Variants in PTPRM observed in about 807,000 individuals in gnomAD.
PTPRM encodes the protein protein tyrosine phosphatase receptor type M.
In PTPRM, 47 loss-of-function variants were observed where a neutral mutation model predicts 186.7. The observed-to-expected ratio is 0.25, with a 90% CI of 0.20 to 0.32. The LOEUF (loss-of-function observed/expected upper bound fraction) is 0.32, where lower values mean the gene tolerates loss of function less well. Ranked by LOEUF, PTPRM falls within the 10% of genes least tolerant of loss-of-function variation. PTPRM has a pLI of 1.00. For missense variants in PTPRM, 1,494 were observed against 1,865.0 expected, an observed-to-expected ratio of 0.80 and a Z score of 3.66; for synonymous variants, 668 against 674.9, an observed-to-expected ratio of 0.99 and a Z score of 0.16.
chr18:7,615,695 A>G (rs989720625), intron 1 of PTPRM, among the ~76,000 whole-genome samples: 4 of 152,132 alleles, frequency 2.6e-5, no homozygotes, highest in African/African-American at 9.7e-5. Context: ...ATTTTTCCAC[A>G]GATGGGGTGG....
At chr18:7,717,901 T>C (rs2040371635) in intron 1 of PTPRM, among the ~76,000 whole-genome samples, 1 of 152,150 alleles carries the variant, frequency 6.6e-6, no homozygotes, top group Non-Finnish European at 1.5e-5. Context: ...CCAGTGCTTG[T>C]TGACTCCAGT....
rs1467311755 is a variant in PTPRM, at chr18:7,973,057, CATATA to C, written c.1132+17649_1132+17653del. 5.3e-5 allele frequency among the ~76,000 whole-genome samples: 8 copies of C among 152,160 alleles called. No individual in the cohort carries two copies. The East Asian group carries it at 1.4e-3, about 26-fold the overall frequency. ...ATGTTATATAAACATATATAACCCACATATAATATATATAACCCACTCTTATTAGC... is the reference window on the plus strand; with the variant it reads ...ATGTTATATAAACATATATAACCCACATATATATAACCCACTCTTATTAGC... On this transcript the variant is annotated intron_variant, in intron 7 of 32. Transcript: ENST00000580170.
At chr18:7,581,996 C>T (rs76647361) in intron 1 of PTPRM, among the ~76,000 whole-genome samples, 2,346 of 152,160 alleles carry the variant, frequency 0.015, 56 homozygotes, top group African/African-American at 0.054. Flanking sequence ...AATCTTTTGG[C>T]TAAGCAAATT....
At chr18:7,586,192 A>T (rs2036974300) in intron 1 of PTPRM, among the ~76,000 whole-genome samples, 1 of 152,146 alleles carries the variant, frequency 6.6e-6, no homozygotes, top group South Asian at 2.1e-4. Flanking sequence ...TCTACATCAG[A>T]CAGGCTTACA....
chr18:7,960,480 T>TATATATATATATATATACACACACAC (rs1300573371), intron 7 of PTPRM, among the ~76,000 whole-genome samples: 1 of 86,602 alleles, frequency 1.2e-5, no homozygotes, highest in African/African-American at 4.4e-5. Context: ...TATATATATA[T>TATATATATATATATATACACACACAC]ACACACACAC....
chr18:7,945,252 G>A (rs887821097), intron 5 of PTPRM, among the ~76,000 whole-genome samples: 1 of 148,924 alleles, frequency 6.7e-6, no homozygotes, highest in African/African-American at 2.5e-5. Context: ...AGGAGATTGA[G>A]ACCATCCTGG....
At chr18:7,652,656 A>G (rs1344933712) in intron 1 of PTPRM, among the ~76,000 whole-genome samples, 1 of 150,966 alleles carries the variant, frequency 6.6e-6, no homozygotes. Context: ...CGCAAGAACA[A>G]AAAACCAAAC....
At chr18:8,386,141 T>A (rs1279753257) in intron 30 of PTPRM, among the ~76,000 whole-genome samples, 1 of 152,086 alleles carries the variant, frequency 6.6e-6, no homozygotes, top group Admixed American at 6.5e-5. Context: ...CATACTAGGT[T>A]TGGGATGACT....
chr18:8,366,331 G>A (rs1347129297), intron 23 of PTPRM, among the ~76,000 whole-genome samples: 2 of 152,216 alleles, frequency 1.3e-5, no homozygotes, highest in Non-Finnish European at 2.9e-5. Context: ...AGAGACCACA[G>A]CATCACCTGG....
At position 8,338,944 on chromosome 18, in the gene PTPRM, A is replaced by G. The variant is rs1037494505; in HGVS notation, c.2957-4479A>G. Among the ~76,000 whole-genome samples the G allele has an allele frequency of 1.9e-4, 29 of 152,104 alleles. 1 individual carries two copies. The highest frequency in any genetic ancestry group is 6.0e-4 in the African/African-American group (25 of 41,422). On this transcript the variant is annotated intron_variant, in intron 22 of 32. Coordinates refer to ENST00000580170, the MANE Select transcript of PTPRM (RefSeq NM_001105244.2). ...AAGTCATCAAGGTTTGAAAATGATC[A>G]TTTTTATAGATGTAGGGGTACAAGT...
At chr18:7,670,948 T>G (rs1287066030) in intron 1 of PTPRM, among the ~76,000 whole-genome samples, 2 of 152,230 alleles carry the variant, frequency 1.3e-5, no homozygotes, top group Non-Finnish European at 2.9e-5. Flanking sequence ...AGGTAACTCT[T>G]AAAATTAGGA....
rs775379460 is a variant in PTPRM, at chr18:8,143,636, T to G, written c.2168-11T>G. 1.3e-6 allele frequency: 2 copies of G among 1,583,434 alleles called. No homozygotes were observed. The highest frequency in any genetic ancestry group is 1.7e-5 in the Admixed American group (1 of 59,954). On this transcript the variant is annotated splice_polypyrimidine_tract_variant and intron_variant, in intron 13 of 32. Coordinates refer to ENST00000580170, the MANE Select transcript of PTPRM (RefSeq NM_001105244.2). ...TACAGTCTCTCCTTTTTCATTTCCT[T>G]TCATCTTCAGGAGCTGCCACTCCGA...
intron 13 of PTPRM, among the ~76,000 whole-genome samples, chr18:8,132,229 G>A (rs1240924541): frequency 6.6e-6 from 1 of 152,102 alleles, no homozygotes; most frequent in Non-Finnish European, 1.5e-5. Flanking sequence ...ATAAACAAAA[G>A]TCTTTGTGAT....
At position 8,363,971 on chromosome 18, in the gene PTPRM, A is replaced by T. The variant is rs866775353; in HGVS notation, c.3055-6919A>T. Among the ~76,000 whole-genome samples the T allele has an allele frequency of 1.5e-4, 23 of 152,346 alleles. 1 individual carries two copies. The Middle Eastern group carries it at 0.014, about 90-fold the overall frequency. On this transcript the variant is annotated intron_variant, in intron 23 of 32. Transcript: ENST00000580170. ...ACATTAACGAATAGATGCAATTGGAAAACAGACGCTTTGTGAGGGTACTTT... is the reference window on the plus strand; with the variant it reads ...ACATTAACGAATAGATGCAATTGGATAACAGACGCTTTGTGAGGGTACTTT...
chr18:8,105,876 G>A (rs1293511393), intron 11 of PTPRM, among the ~76,000 whole-genome samples: 2 of 152,168 alleles, frequency 1.3e-5, no homozygotes, highest in African/African-American at 4.8e-5. Context: ...GTGAAGTACT[G>A]AAAACAAAAA....
At chr18:7,827,389 C>T (rs1329022201) in intron 2 of PTPRM, among the ~76,000 whole-genome samples, 3 of 152,078 alleles carry the variant, frequency 2.0e-5, no homozygotes, top group Non-Finnish European at 4.4e-5. Context: ...TAAAATTCAC[C>T]TAATGGTAGA....
intron 19 of PTPRM, among the ~76,000 whole-genome samples, chr18:8,291,111 T>TAAA (rs1809388961): frequency 6.6e-6 from 1 of 152,198 alleles, no homozygotes; most frequent in South Asian, 2.1e-4. Flanking sequence ...ATGATGCTTT[T>TAAA]AGCCTTGGTT....
At position 8,143,665 on chromosome 18, in the gene PTPRM, C is replaced by T; in HGVS notation, c.2186C>T (p.Pro729Leu). The T allele has an allele frequency of 1.2e-6, 2 of 1,602,594 alleles. No individual in the cohort carries two copies. Among genetic ancestry groups the T allele is most frequent in the Non-Finnish European group, 1.7e-6 (2 of 1,169,558 alleles). ...VATKGAATPK[P>L]VPEPEKQTDH... Reference sequence around the variant, plus strand: ...TCTTCAGGAGCTGCCACTCCGAAACCAGTCCCAGAACCCGAGAAACAGACA... The same window carrying T: ...TCTTCAGGAGCTGCCACTCCGAAACTAGTCCCAGAACCCGAGAAACAGACA... Residue 729 changes from proline (P) to leucine (L), a missense_variant, in exon 14 of 33, where the codon CCA becomes CTA. By Grantham distance (98) the Pro-to-Leu change is moderately conservative. Around this residue, in one of 3 missense-constraint regions of PTPRM, gnomAD observed 1,107 missense variants for 1,350.2 expected, o/e 0.82. Coordinates refer to ENST00000580170, the MANE Select transcript of PTPRM (RefSeq NM_001105244.2).
At chr18:8,148,957 T>C (rs1176482336) in intron 14 of PTPRM, among the ~76,000 whole-genome samples, 2 of 152,160 alleles carry the variant, frequency 1.3e-5, no homozygotes, top group Non-Finnish European at 2.9e-5. Flanking sequence ...GTAGTTGTGC[T>C]GATTTGATTG....
Sources: gnomAD v4.1 joint callset for allele counts (sites outside exome capture counted in the v4.1 genomes callset) on GRCh38, gnomAD v4.1.1 for gene constraint, gnomAD v4.1.1 regional missense constraint, MANE v1.5 for transcripts, NCBI Gene and HGNC (gene_info 2026-07-23, HGNC 2026-07-21) for gene names.